The following EDRF1 variants were observed in gnomAD, a reference collection of about 807,000 sequenced individuals.
The protein encoded by EDRF1 is erythroid differentiation regulatory factor 1.
EDRF1 carries 69 observed loss-of-function variants against 148.7 expected under a neutral mutation model. The observed-to-expected ratio is 0.46, with a 90% confidence interval of 0.38 to 0.57. EDRF1 has a LOEUF of 0.57. Ranked by LOEUF, EDRF1 falls within the 20% of genes least tolerant of loss-of-function variation. The probability of loss-of-function intolerance (pLI) is 0.00; values close to 1 mark genes in which losing one functional copy is unlikely to be tolerated. For missense variants in EDRF1, 1,118 were observed against 1,478.7 expected (o/e 0.76, Z 4.00); for synonymous variants, 515 against 532.8 (o/e 0.97, Z 0.46).
intron 24 of EDRF1, among the ~76,000 whole-genome samples, chr10:125,758,620 T>C (rs1850034589): frequency 3.3e-5 from 5 of 152,182 alleles, no homozygotes; most frequent in Admixed American, 3.3e-4. Context: ...AGTCCTCGTG[T>C]GTAGGGTGGA....
chr10:125,728,396 C>T (rs551286951), intron 6 of EDRF1, among the ~76,000 whole-genome samples: 1 of 152,142 alleles, frequency 6.6e-6, no homozygotes, highest in South Asian at 2.1e-4. Context: ...TCTTTCAAAC[C>T]TGACTCTGGA....
At chr10:125,751,404 G>GTTTTTTTTTTTTTTTTTTTTTTT (rs60964364) in intron 22 of EDRF1, among the ~76,000 whole-genome samples, 1 of 140,700 alleles carries the variant, frequency 7.1e-6, no homozygotes. Context: ...TTTACCCAGT[G>GTTTTTTTTTTTTTTTTTTTTTTT]TTTTTTTTTT....
intron 6 of EDRF1, 38 bp downstream of exon 6, chr10:125,725,876 G>A (rs766116161): frequency 3.5e-5 from 56 of 1,597,358 alleles, no homozygotes; most frequent in Non-Finnish European, 4.8e-5. Context: ...ACTCACATAG[G>A]AAAACAAAGC....
Position 125,719,900 on chromosome 10 carries a change from G to A in EDRF1, c.93G>A (p.Glu31=), listed in dbSNP as rs369793672. 5 of 1,613,242 alleles carry A rather than the reference G, an allele frequency of 3.1e-6. No individual in the cohort carries two copies. Among genetic ancestry groups the A allele is most frequent in the Non-Finnish European group, 4.2e-6 (5 of 1,179,872 alleles). ...GLSLLSQGES[E]ESSAQGSALF... is the part of the protein sequence containing the mutation. The stretch of plus-strand genomic sequence containing the variant: ...GCCTCCTGTCCCAGGGAGAATCCGA[G>A]GAATCTTCTGCACAGGTGAGTCCTC... Residue 31 remains glutamate, a synonymous_variant, in exon 1 of 25, where the codon GAG becomes GAA. Transcript: ENST00000356792.
At chr10:125,742,590 AG>A (rs1381779155) in intron 17 of EDRF1, 4 of 985,274 alleles carry the variant, frequency 4.1e-6, no homozygotes, top group Non-Finnish European at 4.8e-6. Context: ...CTCCCATCAT[AG>A]CAATTTCAGT....
rs966622614 is a variant in EDRF1, at chr10:125,740,581, C to T, written c.2100C>T (p.Ser700=). The part of the protein sequence containing the change: ...LKSSKAYYVL[S]DAAMSLQKYG... ...CATCAAAGGCCTATTATGTTTTGTC[C>T]GATGCTGCCATGAGTCTTCAGAAAT... The change falls in exon 16 of 25, where the codon TCC becomes TCT. Residue 700 remains serine, a synonymous_variant. Coordinates refer to ENST00000356792, the MANE Select transcript of EDRF1 (RefSeq NM_001202438.2). The T allele has an allele frequency of 3.7e-6, 6 of 1,613,976 alleles. No homozygotes were observed. Among genetic ancestry groups the T allele is most frequent in the South Asian group, 1.1e-5 (1 of 91,068 alleles).
At chr10:125,726,898 C>T (rs547394964) in intron 6 of EDRF1, among the ~76,000 whole-genome samples, 1 of 152,296 alleles carries the variant, frequency 6.6e-6, no homozygotes, top group East Asian at 1.9e-4. Context: ...ACCCATCTCC[C>T]AGTGTTGTTC....
At chr10:125,723,037 C>G in intron 2 of EDRF1, 31 bp from the exon 3 acceptor site, 1 of 1,573,704 alleles carries the variant, frequency 6.4e-7, no homozygotes, top group Non-Finnish European at 8.7e-7. Flanking sequence ...AGCATGACCT[C>G]ATAACCTGTG....
At chr10:125,725,921 G>A in intron 6 of EDRF1, 83 bp downstream of exon 6, 7 of 1,342,972 alleles carry the variant, frequency 5.2e-6, no homozygotes, top group South Asian at 1.2e-5. Context: ...AAAAAAAGAT[G>A]AACAGGACTA....
rs74162852 is a variant in EDRF1, at chr10:125,735,509, T to A, written c.1498-135T>A. The A allele has an allele frequency of 3.5e-3, 2,891 of 826,082 alleles. 75 individuals carry two copies. In the African/African-American group the frequency reaches 0.044, roughly 12 times the overall value. The allele number at this position is 826,082 out of a possible 1,614,324, so 51.2% of individuals were successfully genotyped here. ...ATCAGTAGCTTTGAACTGGGAACAT[T>A]TCTGTGTGTGTTACAGTCTATATGG... On this transcript the variant is annotated intron_variant, in intron 12 of 24. Coordinates refer to ENST00000356792, the MANE Select transcript of EDRF1 (RefSeq NM_001202438.2).
At chr10:125,748,518 T>C (rs1849481920) in intron 21 of EDRF1, 2 of 178,828 alleles carry the variant, frequency 1.1e-5, no homozygotes, top group Non-Finnish European at 2.4e-5. Context: ...TTCCGAGAGA[T>C]TGCTTGGCTT....
chr10:125,723,743 A>G, intron 3 of EDRF1, 68 bp from the exon 4 acceptor site: 1 of 1,499,056 alleles, frequency 6.7e-7, no homozygotes, highest in Non-Finnish European at 9.2e-7. Flanking sequence ...AATGAAGCTA[A>G]AATTTAAAAG....
At chr10:125,729,541 T>C (rs763519001) in intron 8 of EDRF1, 62 bp downstream of exon 8, 10 of 1,605,150 alleles carry the variant, frequency 6.2e-6, no homozygotes, top group Admixed American at 5.0e-5. Flanking sequence ...TTAGAATCAG[T>C]GTTCCATCAG....
intron 24 of EDRF1, among the ~76,000 whole-genome samples, chr10:125,760,776 AT>A (rs1458647879): frequency 1.3e-5 from 2 of 152,244 alleles, no homozygotes. Context: ...GTATCCAAGG[AT>A]TCTGCATCCA....
At chr10:125,741,882 A>G (rs924738592) in intron 17 of EDRF1, among the ~76,000 whole-genome samples, 8 of 151,878 alleles carry the variant, frequency 5.3e-5, no homozygotes, top group Non-Finnish European at 1.0e-4. Context: ...TGTTAGAGAC[A>G]GGGTTTCACC....
rs1233509222 is a variant in EDRF1, at chr10:125,721,422, A to G, written c.317+10A>G. ...GCAAGCCATTTTCAAGGTAAATATT[A>G]ATCAGTGGCATTTTTACCTGCCCCT... On this transcript the variant is annotated intron_variant, in intron 2 of 24. Coordinates refer to ENST00000356792, the MANE Select transcript of EDRF1 (RefSeq NM_001202438.2). 6.2e-7 allele frequency: 1 copy of G among 1,613,364 alleles called. No homozygotes were observed. Among genetic ancestry groups the G allele is most frequent in the African/African-American group, 1.3e-5 (1 of 75,032 alleles).
chr10:125,760,193 G>C (rs190012623), intron 24 of EDRF1, among the ~76,000 whole-genome samples: 5 of 152,290 alleles, frequency 3.3e-5, no homozygotes, highest in Non-Finnish European at 7.4e-5. Flanking sequence ...TAACAGCAGT[G>C]GGTAAAGTTT....
intron 24 of EDRF1, among the ~76,000 whole-genome samples, chr10:125,761,825 A>G (rs1161657284): frequency 6.6e-6 from 1 of 152,238 alleles, no homozygotes; most frequent in Non-Finnish European, 1.5e-5. Flanking sequence ...GTGTGATGTC[A>G]TTGTCCACAA....
rs535329564 is a variant in EDRF1 at position 125,741,803 on chromosome 10, C to T, written c.2371+602C>T. 2.2e-5 allele frequency: 4 copies of T among 184,434 alleles called. No homozygotes were observed. In the East Asian group the frequency reaches 6.6e-4, roughly 31 times the overall value. The allele number at this position is 184,434 out of a possible 1,614,324, so 11.4% of individuals were successfully genotyped here. A position where few individuals can be genotyped will look rare whatever the true frequency, so the allele number is the denominator to read the frequency against. ...CCACCTCCTGGGTTCAAGTGATCCTCCCATCTCAGTCTCCCAAGTAGCTGG... is the reference window on the plus strand; with the variant it reads ...CCACCTCCTGGGTTCAAGTGATCCTTCCATCTCAGTCTCCCAAGTAGCTGG... On this transcript the variant is annotated intron_variant, in intron 17 of 24. Transcript: ENST00000356792.
Sources: gnomAD v4.1 joint callset for allele counts (sites outside exome capture counted in the v4.1 genomes callset) on GRCh38, gnomAD v4.1.1 for gene constraint, MANE v1.5 for transcripts, NCBI Gene and HGNC (gene_info 2026-07-23, HGNC 2026-07-21) for gene names.